GRHL2: variants seen among roughly 807,000 people sequenced by gnomAD.
GRHL2 encodes the protein grainyhead-like protein 2 homolog.
Under a neutral mutation model 83.8 loss-of-function variants are expected in GRHL2, and 21 were observed. The observed-to-expected ratio is 0.25, with a 90% confidence interval of 0.18 to 0.36. The LOEUF (loss-of-function observed/expected upper bound fraction) is 0.36. GRHL2 is among the 10% of genes least tolerant of loss of function. GRHL2 has a pLI of 1.00. For missense variants in GRHL2, 623 were observed against 781.8 expected (o/e 0.80, Z 2.42); for synonymous variants, 280 against 278.9 (o/e 1.00, Z -0.04).
intron 4 of GRHL2, among the ~76,000 whole-genome samples, chr8:101,569,031 T>C (rs764747728): frequency 3.8e-4 from 58 of 152,156 alleles, no homozygotes; most frequent in Non-Finnish European, 7.2e-4. Context: ...ACCCTTGAAA[T>C]GCTGGTCAAA....
At chr8:101,494,477 G>A (rs1192371548) in intron 1 of GRHL2, among the ~76,000 whole-genome samples, 1 of 152,088 alleles carries the variant, frequency 6.6e-6, no homozygotes, top group South Asian at 2.1e-4. Context: ...AGAGTGTGTG[G>A]TTGTCTGAGA....
intron 8 of GRHL2, among the ~76,000 whole-genome samples, chr8:101,606,408 T>C (rs911301080): frequency 6.6e-6 from 1 of 152,250 alleles, no homozygotes; most frequent in Non-Finnish European, 1.5e-5. Context: ...TGTTGGATTT[T>C]GCTTTAATAC....
rs1366570836 is a variant in GRHL2, at chr8:101,666,849, A to C, written c.*146A>C. 2.9e-6 allele frequency: 2 copies of C among 699,688 alleles called. No homozygotes were observed. The highest frequency in any genetic ancestry group is 5.3e-6 in the Non-Finnish European group (2 of 380,628). 43.3% of individuals were successfully genotyped at this position (699,688 alleles called of 1,614,324 possible). ...ACCGTGCTGGGGAGTGGGGCAAGGGACAGGCCCCACTGTCGGTGTGCTTGG... is the reference window on the plus strand; with the variant it reads ...ACCGTGCTGGGGAGTGGGGCAAGGGCCAGGCCCCACTGTCGGTGTGCTTGG... On this transcript the variant is annotated 3_prime_UTR_variant, in exon 16 of 16. Transcript: ENST00000646743.
chr8:101,619,513 G>T (rs1269415801), intron 8 of GRHL2, 26 bp from the exon 9 acceptor site: 6 of 1,611,428 alleles, frequency 3.7e-6, no homozygotes, highest in Non-Finnish European at 3.4e-6. Context: ...GTTGACTTGT[G>T]AACTTTTTCT....
chr8:101,584,007 G>A (rs1302346841), intron 7 of GRHL2, among the ~76,000 whole-genome samples: 3 of 152,194 alleles, frequency 2.0e-5, no homozygotes, highest in Admixed American at 6.5e-5. Context: ...GTGATGTAGT[G>A]AGCCTGATTC....
intron 1 of GRHL2, among the ~76,000 whole-genome samples, chr8:101,495,198 A>AT (rs1274659430): frequency 6.6e-6 from 1 of 152,244 alleles, no homozygotes; most frequent in East Asian, 1.9e-4. Context: ...CATCAGCCTC[A>AT]TGGAAAATCC....
At chr8:101,680,376 C>T in the GRHL2 span, among the ~76,000 whole-genome samples, 1 of 147,932 alleles carries the variant, frequency 6.8e-6, no homozygotes, top group Non-Finnish European at 1.5e-5. Flanking sequence ...GAAGAGCTAA[C>T]TATCCTAAAT....
intron 9 of GRHL2, among the ~76,000 whole-genome samples, chr8:101,630,235 G>A (rs576198498): frequency 1.6e-4 from 25 of 152,178 alleles, no homozygotes; most frequent in Non-Finnish European, 3.2e-4. Context: ...GTGTCATGGC[G>A]TCATGCTGGC....
intron 7 of GRHL2, among the ~76,000 whole-genome samples, chr8:101,596,958 G>GTTTC (rs1161785805): frequency 6.6e-6 from 1 of 152,208 alleles, no homozygotes; most frequent in African/African-American, 2.4e-5. Flanking sequence ...TTAGTAAGCA[G>GTTTC]TTTCCATAAG....
chr8:101,586,184 A>G (rs634588), intron 7 of GRHL2, among the ~76,000 whole-genome samples: 126,542 of 150,896 alleles, frequency 0.84, 53,350 homozygotes, highest in Non-Finnish European at 0.89. Flanking sequence ...GGTTCACGCC[A>G]TTCTCCTGCC....
At chr8:101,545,727 A>G (rs1811248773) in intron 2 of GRHL2, among the ~76,000 whole-genome samples, 1 of 152,096 alleles carries the variant, frequency 6.6e-6, no homozygotes, top group African/African-American at 2.4e-5. Flanking sequence ...TCTCATCCTT[A>G]GAAAGAAATT....
At chr8:101,543,496 G>A (rs747761110) in intron 2 of GRHL2, 60 bp downstream of exon 2, 1 of 1,484,712 alleles carries the variant, frequency 6.7e-7, no homozygotes, top group African/African-American at 1.4e-5. Context: ...TTTGCTGGTG[G>A]GAAGAAGGAA....
intron 7 of GRHL2, among the ~76,000 whole-genome samples, chr8:101,581,356 G>T (rs1439075409): frequency 2.0e-5 from 3 of 152,208 alleles, no homozygotes; most frequent in Non-Finnish European, 4.4e-5. Flanking sequence ...CCAGGCCCAA[G>T]TAGATTCTGC....
chr8:101,590,555 C>T (rs1237640463), intron 7 of GRHL2, among the ~76,000 whole-genome samples: 1 of 152,110 alleles, frequency 6.6e-6, no homozygotes, highest in Non-Finnish European at 1.5e-5. Context: ...TAGCTATTGT[C>T]TCTATTTTGT....
intron 1 of GRHL2, among the ~76,000 whole-genome samples, chr8:101,508,262 A>G (rs1810380432): frequency 6.6e-6 from 1 of 152,178 alleles, no homozygotes; most frequent in South Asian, 2.1e-4. Context: ...CCAATGGTGT[A>G]TCTGAGAGTA....
At chr8:101,524,137 C>A (rs186005162) in intron 1 of GRHL2, among the ~76,000 whole-genome samples, 79 of 152,242 alleles carry the variant, frequency 5.2e-4, no homozygotes, top group African/African-American at 1.8e-3. Context: ...TATATTTTTC[C>A]AGAAATGTTC....
chr8:101,559,202 A>T (rs992165553), intron 4 of GRHL2, among the ~76,000 whole-genome samples: 4 of 152,004 alleles, frequency 2.6e-5, no homozygotes, highest in Non-Finnish European at 4.4e-5. Flanking sequence ...GGGCTTGTCC[A>T]TTCTTTTTTA....
intron 1 of GRHL2, among the ~76,000 whole-genome samples, chr8:101,540,304 G>C (rs992951915): frequency 6.6e-6 from 1 of 152,164 alleles, no homozygotes; most frequent in East Asian, 1.9e-4. Context: ...ACATTACCCA[G>C]CTTCTCACCA....
intron 7 of GRHL2, among the ~76,000 whole-genome samples, chr8:101,583,583 A>G (rs1031454238): frequency 1.3e-5 from 2 of 152,194 alleles, no homozygotes; most frequent in Non-Finnish European, 2.9e-5. Context: ...TACACATAGA[A>G]CAGGCTGGGA....
Sources: allele counts gnomAD v4.1 joint callset (sites outside exome capture counted in the v4.1 genomes callset), GRCh38; gene constraint gnomAD v4.1.1; transcripts MANE v1.5; gene names NCBI Gene and HGNC (gene_info 2026-07-23, HGNC 2026-07-21).